The following SMURF1 variants were observed in gnomAD, a reference collection of about 807,000 sequenced individuals.
The protein encoded by SMURF1 is SMAD specific E3 ubiquitin protein ligase 1.
Under a neutral mutation model 98.0 loss-of-function variants are expected in SMURF1, and 44 were observed. That is an observed-to-expected ratio of 0.45 (90% CI 0.35 to 0.58). The LOEUF is 0.58. Among genes scored for constraint, SMURF1 ranks in the 20% least tolerant of loss-of-function variants. The pLI is 0.00. For missense variants in SMURF1, 687 were observed against 938.4 expected (o/e 0.73, Z 3.50); for synonymous variants, 396 against 374.9 (o/e 1.06, Z -0.65).
At chr7:99,110,676 T>A (rs1429702299) in intron 1 of SMURF1, among the ~76,000 whole-genome samples, 1 of 152,256 alleles carries the variant, frequency 6.6e-6, no homozygotes, top group Non-Finnish European at 1.5e-5. Context: ...ATCTATCATA[T>A]CTTTTTAAAT....
intron 1 of SMURF1, among the ~76,000 whole-genome samples, chr7:99,083,003 A>T (rs984449055): frequency 2.0e-5 from 3 of 152,240 alleles, no homozygotes; most frequent in East Asian, 1.9e-4. Flanking sequence ...ATAGATTTTT[A>T]AAATTTTTTT....
chr7:99,061,852 A>T lies in SMURF1; in HGVS notation c.56-15T>A, dbSNP rs1198074887. The stretch of plus-strand genomic sequence containing the variant: ...GGCACATAACACTAAAAACAAAGAA[A>T]AATTACTCAGGTTAGCATTAAAGAC... On this transcript the variant is annotated splice_polypyrimidine_tract_variant and intron_variant, in intron 1 of 17. Transcript: ENST00000361368. 8 of 1,597,050 alleles carry T rather than the reference A, an allele frequency of 5.0e-6. No homozygotes were observed. Among genetic ancestry groups the T allele is most frequent in the Non-Finnish European group, 6.8e-6 (8 of 1,171,524 alleles).
chr7:99,133,854 T>C (rs1276660404), intron 1 of SMURF1, among the ~76,000 whole-genome samples: 1 of 152,136 alleles, frequency 6.6e-6, no homozygotes, highest in Non-Finnish European at 1.5e-5. Flanking sequence ...CACATAACAA[T>C]ACGGATAAAT....
chr7:99,113,715 T>A (rs1409136594), intron 1 of SMURF1, among the ~76,000 whole-genome samples: 1 of 151,402 alleles, frequency 6.6e-6, no homozygotes. Context: ...TGGCGGGGCC[T>A]GTGGTCCCAG....
rs377639114 is a variant in SMURF1, at chr7:99,038,200, C to T, written c.1688+188G>A. Among the ~76,000 whole-genome samples the T allele has an allele frequency of 2.0e-4, 30 of 152,286 alleles. No homozygotes were observed. The East Asian group carries it at 3.3e-3, about 17-fold the overall frequency. On this transcript the variant is annotated intron_variant, in intron 14 of 17. Transcript: ENST00000361368. The stretch of plus-strand genomic sequence containing the variant: ...GGCCAGGCCTGGCCCCATCAGGGCC[C>T]CTCCAAGCAGATCCCTGACGCTGCT...
At position 99,066,258 on chromosome 7, in the gene SMURF1, C is replaced by T. The variant is rs192191505; in HGVS notation, c.56-4421G>A. ...GCAGAACTCTAGCCTTATGAGCCTC[C>T]GATCCCTCCCAACCTCCCTGTGCAG... is the stretch of plus-strand genomic sequence containing the variant. On this transcript the variant is annotated intron_variant, in intron 1 of 17. Coordinates refer to ENST00000361368, the MANE Select transcript of SMURF1 (RefSeq NM_181349.3). Among the ~76,000 whole-genome samples, 115 of 152,204 alleles carry T rather than the reference C, an allele frequency of 7.6e-4. 1 individual carries two copies. Among genetic ancestry groups the T allele is most frequent in the East Asian group, 5.0e-3 (26 of 5,174 alleles).
chr7:99,136,289 T>C (rs962813125), intron 1 of SMURF1, among the ~76,000 whole-genome samples: 1 of 152,264 alleles, frequency 6.6e-6, no homozygotes, highest in Non-Finnish European at 1.5e-5. Context: ...TTGTCCATAT[T>C]CTTTGCCTAT....
chr7:99,113,239 T>C (rs1797361149), intron 1 of SMURF1, among the ~76,000 whole-genome samples: 1 of 152,158 alleles, frequency 6.6e-6, no homozygotes. Context: ...ATCAAATTGT[T>C]ATATGACAAA....
chr7:99,041,047 G>GAAGA (rs1795359557), intron 12 of SMURF1, among the ~76,000 whole-genome samples: 1 of 152,190 alleles, frequency 6.6e-6, no homozygotes, highest in African/African-American at 2.4e-5. Flanking sequence ...GGGAGGGAGG[G>GAAGA]AAGAAATGCT....
chr7:99,139,093 CAA>C (rs1798057275), intron 1 of SMURF1, among the ~76,000 whole-genome samples: 1 of 152,196 alleles, frequency 6.6e-6, no homozygotes, highest in African/African-American at 2.4e-5. Context: ...TACAAATTGA[CAA>C]AGTCAACAGT....
chr7:99,096,029 G>A (rs1796949917), intron 1 of SMURF1, among the ~76,000 whole-genome samples: 1 of 152,144 alleles, frequency 6.6e-6, no homozygotes. Context: ...CTATCAGTGT[G>A]GGCTAACCTT....
intron 1 of SMURF1, among the ~76,000 whole-genome samples, chr7:99,122,337 A>AG (rs1554449613): frequency 6.8e-6 from 1 of 147,906 alleles, no homozygotes; most frequent in African/African-American, 2.5e-5. Flanking sequence ...CAAAAAAAAA[A>AG]AAGAAGAAGA....
intron 1 of SMURF1, among the ~76,000 whole-genome samples, chr7:99,084,558 A>C (rs898342711): frequency 6.6e-6 from 1 of 152,202 alleles, no homozygotes; most frequent in African/African-American, 2.4e-5. Flanking sequence ...ACTAGCTCAC[A>C]GAAAATAAAC....
intron 1 of SMURF1, among the ~76,000 whole-genome samples, chr7:99,085,203 A>T (rs1323807711): frequency 6.6e-6 from 1 of 151,926 alleles, no homozygotes; most frequent in Non-Finnish European, 1.5e-5. Flanking sequence ...ATACAAAAAA[A>T]TTAGCTGGGC....
intron 1 of SMURF1, among the ~76,000 whole-genome samples, chr7:99,088,822 T>C (rs1412139191): frequency 6.6e-6 from 1 of 152,084 alleles, no homozygotes; most frequent in East Asian, 1.9e-4. Flanking sequence ...CCCAGCACTT[T>C]GGGAGGCTGA....
intron 5 of SMURF1, among the ~76,000 whole-genome samples, chr7:99,055,871 C>G (rs1471638446): frequency 6.6e-6 from 1 of 152,134 alleles, no homozygotes; most frequent in Non-Finnish European, 1.5e-5. Context: ...GAGGCTGAGG[C>G]AGGAGAATCG....
At chr7:99,062,887 A>G (rs1796065968) in intron 1 of SMURF1, among the ~76,000 whole-genome samples, 1 of 151,954 alleles carries the variant, frequency 6.6e-6, no homozygotes, top group Admixed American at 6.6e-5. Flanking sequence ...GTATAGAAAG[A>G]ATGCAATTAA....
intron 3 of SMURF1, among the ~76,000 whole-genome samples, chr7:99,059,205 C>T (rs946712809): frequency 6.6e-6 from 1 of 150,872 alleles, no homozygotes; most frequent in Non-Finnish European, 1.5e-5. Context: ...CGAGACCATC[C>T]CGGCTAAAAC....
chr7:99,033,821 G>A (rs963356745), intron 16 of SMURF1, among the ~76,000 whole-genome samples: 6 of 152,196 alleles, frequency 3.9e-5, no homozygotes, highest in Non-Finnish European at 8.8e-5. Flanking sequence ...TCCAAACTCA[G>A]CCCCAAGTGA....
Sources: allele counts gnomAD v4.1 joint callset (sites outside exome capture counted in the v4.1 genomes callset), GRCh38; gene constraint gnomAD v4.1.1; transcripts MANE v1.5; gene names NCBI Gene and HGNC (gene_info 2026-07-23, HGNC 2026-07-21).